KCNH8: variants seen among roughly 807,000 people sequenced by gnomAD.
KCNH8 encodes the protein voltage-gated delayed rectifier potassium channel KCNH8.
A neutral mutation model predicts 103.6 loss-of-function variants in KCNH8; 70 were observed. The ratio of observed to expected loss-of-function variants is 0.68; its 90% CI spans 0.56 to 0.82. KCNH8 has a LOEUF of 0.82. Ranked by LOEUF, KCNH8 falls within the 40% of genes least tolerant of loss-of-function variation. The pLI, the probability that KCNH8 is intolerant of heterozygous loss-of-function variation, is 0.00. For synonymous variants in KCNH8, 498 were observed against 489.4 expected (o/e 1.02, Z -0.23); for missense variants, 1,217 against 1,329.9 (o/e 0.92, Z 1.32).
intron 2 of KCNH8, among the ~76,000 whole-genome samples, chr3:19,256,115 A>G (rs759144610): frequency 6.6e-6 from 1 of 152,160 alleles, no homozygotes; most frequent in East Asian, 1.9e-4. Flanking sequence ...TGTGCAGTGT[A>G]GATGCTTAGC....
intron 7 of KCNH8, among the ~76,000 whole-genome samples, chr3:19,398,705 G>T (rs1261812137): frequency 6.6e-6 from 1 of 151,872 alleles, no homozygotes; most frequent in Non-Finnish European, 1.5e-5. Context: ...CAACCTCAGT[G>T]GGGTTACCAG....
At chr3:19,362,013 C>T (rs2065952861) in intron 5 of KCNH8, among the ~76,000 whole-genome samples, 1 of 152,048 alleles carries the variant, frequency 6.6e-6, no homozygotes, top group African/African-American at 2.4e-5. Context: ...AAAGAAGTAG[C>T]ATTATTGTGA....
chr3:19,458,865 G>A (rs1192613257), intron 11 of KCNH8, among the ~76,000 whole-genome samples: 3 of 151,806 alleles, frequency 2.0e-5, no homozygotes, highest in East Asian at 1.9e-4. Context: ...CTTTCTATAC[G>A]TGGCATATTT....
chr3:19,395,279 G>A lies in KCNH8; in HGVS notation c.1145G>A (p.Arg382Lys), dbSNP rs777559557. 1.2e-6 allele frequency: 2 copies of A among 1,610,554 alleles called. No homozygotes were observed. Among genetic ancestry groups the A allele is most frequent in the Non-Finnish European group, 1.7e-6 (2 of 1,178,398 alleles). ...TGGTACGTCATTGGAAAAATGGAGA[G>A]GGAAGACAACAGCCTTCTGAAGTGG... Reference protein sequence around the residue: ...CIWYVIGKMEREDNSLLKWEV... With the variant: ...CIWYVIGKMEKEDNSLLKWEV... The change falls in exon 7 of 16, where the codon AGG becomes AAG. Residue 382 changes from arginine to lysine, a missense_variant. Physicochemically the swap from Arg to Lys is conservative, Grantham distance 26 (BLOSUM62 2). Transcript: ENST00000328405.
At chr3:19,515,197 T>C (rs2068853246) in intron 13 of KCNH8, 125 bp from the exon 14 acceptor site, 2 of 484,176 alleles carry the variant, frequency 4.1e-6, no homozygotes, top group Non-Finnish European at 7.2e-6. Context: ...GGTTACTATA[T>C]TGAATAGCTC....
At chr3:19,518,879 TTAAAA>T (rs1272695954) in intron 15 of KCNH8, among the ~76,000 whole-genome samples, 20 of 152,078 alleles carry the variant, frequency 1.3e-4, no homozygotes, top group African/African-American at 3.9e-4. Flanking sequence ...GTCTCTCTCA[TTAAAA>T]TAAAATAAAA....
chr3:19,310,359 C>T (rs1162259379), intron 3 of KCNH8, among the ~76,000 whole-genome samples: 2 of 151,918 alleles, frequency 1.3e-5, no homozygotes, highest in East Asian at 3.9e-4. Flanking sequence ...TAATATATAG[C>T]AACTTACAAA....
At chr3:19,532,580 G>GGTA (rs2069181249) in intron 15 of KCNH8, among the ~76,000 whole-genome samples, 1 of 152,188 alleles carries the variant, frequency 6.6e-6, no homozygotes, top group Admixed American at 6.5e-5. Context: ...ACTCCAAATA[G>GGTA]GTAGTAGTGC....
At chr3:19,305,695 T>TA (rs1384109327) in intron 3 of KCNH8, among the ~76,000 whole-genome samples, 7 of 151,796 alleles carry the variant, frequency 4.6e-5, no homozygotes, top group African/African-American at 9.7e-5. Flanking sequence ...CAAAGCAAAC[T>TA]AAAAAAATCC....
At position 19,463,137 on chromosome 3, in the gene KCNH8, A is replaced by G. The variant is rs527722867; in HGVS notation, c.2040+6155A>G. On this transcript the variant is annotated intron_variant, in intron 11 of 15. Transcript: ENST00000328405. ...ATTTAGAGTATACAGGAGGATGTGC[A>G]TAGGTTATACTATGCCATTTTATAT... Among the ~76,000 whole-genome samples the G allele has an allele frequency of 4.6e-5, 7 of 152,178 alleles. No homozygotes were observed. The South Asian group carries it at 1.4e-3, about 31-fold the overall frequency.
intron 1 of KCNH8, among the ~76,000 whole-genome samples, chr3:19,190,503 T>A (rs1559415331): frequency 1.3e-5 from 2 of 152,170 alleles, no homozygotes; most frequent in South Asian, 2.1e-4. Flanking sequence ...TTAATTCGAC[T>A]GTTGATGAGT....
chr3:19,521,008 T>C (rs890614538), intron 15 of KCNH8, among the ~76,000 whole-genome samples: 7 of 152,030 alleles, frequency 4.6e-5, no homozygotes, highest in Non-Finnish European at 1.0e-4. Context: ...TTAGAACGCT[T>C]TGACCACATT....
At chr3:19,153,387 T>G (rs1362380058) in intron 1 of KCNH8, among the ~76,000 whole-genome samples, 1 of 152,100 alleles carries the variant, frequency 6.6e-6, no homozygotes, top group East Asian at 1.9e-4. Flanking sequence ...CTTTCTAGGC[T>G]CTAACATTTT....
intron 13 of KCNH8, among the ~76,000 whole-genome samples, chr3:19,513,614 T>C (rs1274446174): frequency 6.6e-6 from 1 of 152,192 alleles, no homozygotes; most frequent in Non-Finnish European, 1.5e-5. Context: ...TACCTTGTGA[T>C]TTTATGATTT....
chr3:19,156,929 A>G (rs1289835622), intron 1 of KCNH8, among the ~76,000 whole-genome samples: 1 of 151,608 alleles, frequency 6.6e-6, no homozygotes, highest in African/African-American at 2.4e-5. Context: ...AGGAAGAAGT[A>G]AGGGTAGTTA....
rs186101415 is a variant in KCNH8 at position 19,288,332 on chromosome 3, A to G, written c.442+7003A>G. On this transcript the variant is annotated intron_variant, in intron 3 of 15. Transcript: ENST00000328405. Reference sequence around the variant, plus strand: ...CCATGTTGGTGTGCTGCACCCATTAACTCGTCATTTAACATTAGGTATATC... The same window carrying G: ...CCATGTTGGTGTGCTGCACCCATTAGCTCGTCATTTAACATTAGGTATATC... Among the ~76,000 whole-genome samples, 206 of 150,658 alleles carry G rather than the reference A, an allele frequency of 1.4e-3. 1 individual carries two copies. Among genetic ancestry groups the G allele is most frequent in the Non-Finnish European group, 2.5e-3 (167 of 67,650 alleles).
At chr3:19,311,803 A>G (rs558664799) in intron 3 of KCNH8, among the ~76,000 whole-genome samples, 1 of 152,008 alleles carries the variant, frequency 6.6e-6, no homozygotes, top group South Asian at 2.1e-4. Context: ...ACTGTTGACT[A>G]CATTTGAAAC....
chr3:19,263,058 GC>G (rs1304705884), intron 2 of KCNH8, among the ~76,000 whole-genome samples: 1 of 152,032 alleles, frequency 6.6e-6, no homozygotes, highest in African/African-American at 2.4e-5. Flanking sequence ...ATAAATGGTA[GC>G]CTTGGCAGCA....
chr3:19,231,353 C>T (rs144710501), intron 1 of KCNH8, among the ~76,000 whole-genome samples: 2,439 of 151,900 alleles, frequency 0.016, 55 homozygotes, highest in African/African-American at 0.054. Flanking sequence ...GCATAATGCT[C>T]GGTATGTTGT....
Sources: gnomAD v4.1 joint callset for allele counts (sites outside exome capture counted in the v4.1 genomes callset) on GRCh38, gnomAD v4.1.1 for gene constraint, MANE v1.5 for transcripts, NCBI Gene and HGNC (gene_info 2026-07-23, HGNC 2026-07-21) for gene names.